Variants in C7orf78 observed in about 807,000 individuals in gnomAD.
The protein encoded by C7orf78 is chromosome 7 open reading frame 78.
the C7orf78 span, chr7:12,487,093 G>A: frequency 6.6e-6 from 1 of 151,766 alleles, no homozygotes; most frequent in African/African-American, 2.4e-5. Context: ...AACATCTCAA[G>A]ACTAGTTTCC....
chr7:12,527,810 C>G, the C7orf78 span, among the ~76,000 whole-genome samples: 2 of 149,386 alleles, frequency 1.3e-5, no homozygotes, highest in African/African-American at 5.0e-5. Context: ...AACATGTCAG[C>G]TTTCCTAGTA....
the C7orf78 span, among the ~76,000 whole-genome samples, chr7:12,529,789 A>C: frequency 6.6e-6 from 1 of 152,212 alleles, no homozygotes; most frequent in African/African-American, 2.4e-5. Context: ...GAAAGAATTC[A>C]AGGGCGGGCC....
the C7orf78 span, among the ~76,000 whole-genome samples, chr7:12,497,376 C>A: frequency 6.6e-6 from 1 of 152,236 alleles, no homozygotes. Flanking sequence ...GCACACCGTG[C>A]GCGAGCAGAA....
the C7orf78 span, among the ~76,000 whole-genome samples, chr7:12,532,065 C>T: frequency 7.6e-3 from 1,159 of 152,220 alleles, 12 homozygotes; most frequent in African/African-American, 0.026. Context: ...TTGTCTGCTC[C>T]TTACTGTACA....
chr7:12,522,932 TATA>T, the C7orf78 span: 1 of 398,022 alleles, frequency 2.5e-6, no homozygotes, highest in Non-Finnish European at 4.4e-6. Context: ...ACACCATTGC[TATA>T]GTGACAAGCT....
At chr7:12,526,368 T>C in the C7orf78 span, among the ~76,000 whole-genome samples, 2 of 152,156 alleles carry the variant, frequency 1.3e-5, no homozygotes, top group Non-Finnish European at 2.9e-5. Context: ...CACACATGCA[T>C]GCTATAATTA....
the C7orf78 span, among the ~76,000 whole-genome samples, chr7:12,526,939 T>A: frequency 6.6e-6 from 1 of 150,826 alleles, no homozygotes; most frequent in East Asian, 2.0e-4. Flanking sequence ...GGAACATGTC[T>A]ACTTTCCTAG....
chr7:12,532,473 T>C, the C7orf78 span, among the ~76,000 whole-genome samples: 3 of 149,456 alleles, frequency 2.0e-5, no homozygotes, highest in Admixed American at 6.8e-5. Context: ...CACTTGAACC[T>C]GGGAGGCAGA....
the C7orf78 span, among the ~76,000 whole-genome samples, chr7:12,510,534 G>A: frequency 6.6e-6 from 1 of 152,114 alleles, no homozygotes; most frequent in East Asian, 1.9e-4. Context: ...CACCAACAGT[G>A]TATACATAGT....
the C7orf78 span, among the ~76,000 whole-genome samples, chr7:12,533,227 G>C: frequency 3.9e-4 from 59 of 152,252 alleles, no homozygotes; most frequent in East Asian, 0.011. Flanking sequence ...TTGAGATGCA[G>C]ACTCGCTCTG....
At chr7:12,522,920 G>A in the C7orf78 span, 2 of 397,728 alleles carry the variant, frequency 5.0e-6, no homozygotes, top group East Asian at 7.1e-5. Flanking sequence ...AAAATGTTGA[G>A]TACACCATTG....
the C7orf78 span, among the ~76,000 whole-genome samples, chr7:12,514,011 G>GA: frequency 1.3e-5 from 2 of 150,492 alleles, no homozygotes; most frequent in Non-Finnish European, 3.0e-5. Context: ...AAAGAAAAAA[G>GA]AAAAAAAAAG....
the C7orf78 span, chr7:12,522,867 T>C: frequency 1.0e-5 from 4 of 396,288 alleles, no homozygotes; most frequent in Non-Finnish European, 1.8e-5. Flanking sequence ...CTGAGCTTTT[T>C]CCTGCTTCAT....
the C7orf78 span, among the ~76,000 whole-genome samples, chr7:12,484,326 A>T: frequency 6.6e-6 from 1 of 152,210 alleles, no homozygotes; most frequent in Non-Finnish European, 1.5e-5. Flanking sequence ...ACATATCTAA[A>T]AAGTATTCAT....
chr7:12,524,324 ACT>A, the C7orf78 span, among the ~76,000 whole-genome samples: 1 of 152,278 alleles, frequency 6.6e-6, no homozygotes, highest in African/African-American at 2.4e-5. Context: ...ATGAATGTTA[ACT>A]CTATGAGCTA....
At chr7:12,484,217 T>C in the C7orf78 span, among the ~76,000 whole-genome samples, 3 of 152,208 alleles carry the variant, frequency 2.0e-5, no homozygotes, top group East Asian at 1.9e-4. Context: ...TTTAAAATGA[T>C]TGATTGTTCT....
chr7:12,485,949 G>A, the C7orf78 span, among the ~76,000 whole-genome samples: 13 of 152,178 alleles, frequency 8.5e-5, no homozygotes, highest in African/African-American at 2.2e-4. Context: ...ACTAAATCAC[G>A]AAATCCTCTT....
At chr7:12,486,616 A>G in the C7orf78 span, among the ~76,000 whole-genome samples, 9 of 152,006 alleles carry the variant, frequency 5.9e-5, no homozygotes, top group Non-Finnish European at 1.3e-4. Context: ...TACATTTTTA[A>G]AACTATTTTG....
chr7:12,488,017 G>T, the C7orf78 span, among the ~76,000 whole-genome samples: 1 of 151,884 alleles, frequency 6.6e-6, no homozygotes, highest in Non-Finnish European at 1.5e-5. Flanking sequence ...ATTTTTCAAA[G>T]AAAATACAAG....
Sources: gnomAD v4.1 joint callset for allele counts (sites outside exome capture counted in the v4.1 genomes callset) on GRCh38, gnomAD v4.1.1 for gene constraint, MANE v1.5 for transcripts, NCBI Gene and HGNC (gene_info 2026-07-23, HGNC 2026-07-21) for gene names.